Variants in SPANXN3 observed in about 807,000 individuals in gnomAD.
SPANXN3 encodes SPANX family member N3.
SPANXN3 carries 1 observed loss-of-function variant against 1.9 expected under a neutral mutation model. That is an observed-to-expected ratio of 0.54 (90% CI 0.19 to 2.54). The LOEUF is 2.54. SPANXN3 is among the 30% of genes most tolerant of loss of function. The pLI is 0.24. For missense variants in SPANXN3, 113 were observed against 96.2 expected (o/e 1.17, Z -0.73); for synonymous variants, 47 against 40.0 (o/e 1.17, Z -0.66).
At chrX:143,516,715 C>T (rs1929225201) in intron 1 of SPANXN3, 2 of 114,878 alleles carry the variant, frequency 1.7e-5, no homozygotes, top group African/African-American at 6.5e-5. Context: ...AGTCCAGTAC[C>T]AGTGCCTCCA....
rs183417869 is a variant in SPANXN3, at chrX:143,509,950, C to T, written c.79-788G>A. Reference sequence around the variant, plus strand: ...TAATGGGTAAGTTTTCTCTTGCAACCTGGAAAGCAGAAAGCAGCAAGCAGC... The same window carrying T: ...TAATGGGTAAGTTTTCTCTTGCAACTTGGAAAGCAGAAAGCAGCAAGCAGC... On this transcript the variant is annotated intron_variant, in intron 1 of 1. Coordinates refer to ENST00000370503, the MANE Select transcript of SPANXN3 (RefSeq NM_001009609.4). 2.4e-3 allele frequency among the ~76,000 whole-genome samples: 266 copies of T among 111,274 alleles called. 1 individual carries two copies. Among genetic ancestry groups the T allele is most frequent in the African/African-American group, 8.2e-3 (251 of 30,604 alleles).
intron 1 of SPANXN3, among the ~76,000 whole-genome samples, chrX:143,513,144 T>G (rs1215089780): frequency 1.8e-5 from 2 of 111,874 alleles, no homozygotes; most frequent in Non-Finnish European, 3.8e-5. Flanking sequence ...CAGTTCCCAA[T>G]TTTGACTTGC....
intron 1 of SPANXN3, among the ~76,000 whole-genome samples, chrX:143,514,745 C>A (rs1214375927): frequency 8.9e-6 from 1 of 111,759 alleles, no homozygotes; most frequent in Admixed American, 9.5e-5. Context: ...ATTTGTTTCA[C>A]AGTTTAACCA....
At chrX:143,516,637 C>G (rs1158247086) in intron 1 of SPANXN3, 1 of 111,804 alleles carries the variant, frequency 8.9e-6, no homozygotes, top group Non-Finnish European at 1.9e-5. Context: ...CTTTATCTCC[C>G]GAAGGCTAAA....
intron 1 of SPANXN3, among the ~76,000 whole-genome samples, chrX:143,516,427 A>G (rs1929216429): frequency 9.0e-6 from 1 of 111,689 alleles, no homozygotes; most frequent in African/African-American, 3.3e-5. Context: ...CAAGCAGACC[A>G]TCCAGGTTCC....
chrX:143,512,808 A>G (rs1929124217), intron 1 of SPANXN3, among the ~76,000 whole-genome samples: 1 of 111,254 alleles, frequency 9.0e-6, no homozygotes, highest in Admixed American at 9.5e-5. Context: ...GACCTAGGTG[A>G]ACTTTCCCTT....
chrX:143,508,843 C>T lies in SPANXN3; in HGVS notation c.398G>A (p.Gly133Glu), dbSNP rs1197393875. The T allele has an allele frequency of 4.1e-6, 5 of 1,209,543 alleles. No individual in the cohort carries two copies. The Admixed American group carries it at 6.5e-5, about 16-fold the overall frequency. ...QEDEDLGLSE[G>E]SSQDSGED is the part of the protein sequence containing the mutation. ...ATCCTCCCCACTGTCCTGTGAAGAT[C>T]CTTCAGATAAGCCTAGGTCTTCATC... Residue 133 changes from glycine to glutamate, a missense_variant, in exon 2 of 2, where the codon GGA (glycine) becomes GAA (glutamate). Physicochemically the swap from Gly to Glu is moderately conservative, Grantham distance 98. Coordinates refer to ENST00000370503, the MANE Select transcript of SPANXN3 (RefSeq NM_001009609.4).
chrX:143,508,952 T>C lies in SPANXN3; in HGVS notation c.289A>G (p.Asn97Asp). The change falls in exon 2 of 2, where the codon AAT becomes GAT. Residue 97 changes from asparagine to aspartate, a missense_variant. Transcript: ENST00000370503. ...EGVDLSEGSS[N>D]EDEDLGPCEG... ...CATGGGCCTAGGTCTTCATCCTCAT[T>C]TGAAGATCCTTCAGATAAGTCTACG... 1 of 1,211,552 alleles carries C rather than the reference T, an allele frequency of 8.3e-7. No homozygotes were observed. The highest frequency in any genetic ancestry group is 1.1e-6 in the Non-Finnish European group (1 of 895,209).
rs782110097 is a variant in SPANXN3 at position 143,516,710 on chromosome X, A to G, written c.78+604T>C. On this transcript the variant is annotated intron_variant, in intron 1 of 1. Transcript: ENST00000370503. ...ACCATCCTTCTCCTCTGCCAAGTCCAGTACCAGTGCCTCCAGGAAAACAAC... is the reference window on the plus strand; with the variant it reads ...ACCATCCTTCTCCTCTGCCAAGTCCGGTACCAGTGCCTCCAGGAAAACAAC... 869 of 114,727 alleles carry G rather than the reference A, an allele frequency of 7.6e-3. 22 individuals carry two copies. The highest frequency in any genetic ancestry group is 0.027 in the African/African-American group (833 of 30,661). 9.5% of individuals were successfully genotyped at this position (114,727 alleles called of 1,213,427 possible).
At chrX:143,514,390 A>G (rs187468835) in intron 1 of SPANXN3, among the ~76,000 whole-genome samples, 1 of 112,104 alleles carries the variant, frequency 8.9e-6, no homozygotes, top group African/African-American at 3.2e-5. Flanking sequence ...TCCAGCTTTT[A>G]GAAAATTATA....
intron 1 of SPANXN3, among the ~76,000 whole-genome samples, chrX:143,514,344 G>A (rs138020586): frequency 0.031 from 3,516 of 112,375 alleles, 55 homozygotes; most frequent in Non-Finnish European, 0.044. Context: ...ACTTTCATAT[G>A]TGCACAACCA....
intron 1 of SPANXN3, chrX:143,509,594 C>T (rs781822728): frequency 7.8e-6 from 1 of 128,548 alleles, no homozygotes; most frequent in East Asian, 2.4e-4. Flanking sequence ...ATTTTTCCTT[C>T]ATTCCCCTTT....
In SPANXN3 at chrX:143,515,587, C is replaced by T. The variant is rs112435034; in HGVS notation, c.78+1727G>A. ...CTCTTTCTTCTTTTGTCCTCTTTGT[C>T]TGTGGGATACTCTAAGTCCCCACCC... On this transcript the variant is annotated intron_variant, in intron 1 of 1. Coordinates refer to ENST00000370503, the MANE Select transcript of SPANXN3 (RefSeq NM_001009609.4). Among the ~76,000 whole-genome samples the T allele has an allele frequency of 3.4e-3, 382 of 111,195 alleles. 1 individual carries two copies. Among genetic ancestry groups the T allele is most frequent in the Admixed American group, 8.2e-3 (85 of 10,392 alleles).
At chrX:143,515,770 A>G (rs1261074161) in intron 1 of SPANXN3, among the ~76,000 whole-genome samples, 1 of 111,296 alleles carries the variant, frequency 9.0e-6, no homozygotes, top group East Asian at 2.9e-4. Context: ...ACTCGGTCCA[A>G]AATAAGCCTG....
In SPANXN3 at chrX:143,508,900, T is replaced by A. The variant is rs1929022110; in HGVS notation, c.341A>T (p.Asp114Val). Residue 114 changes from aspartate to valine, a missense_variant, in exon 2 of 2, where the codon GAT becomes GTT. Asp to Val is a radical substitution (Grantham distance 152). Transcript: ENST00000370503. ...PCEGPSKEDK[D>V]LDSSEGSSQE... Reference sequence around the variant, plus strand: ...TGAGGATCCTTCAGATGAGTCTAGATCTTTGTCCTCCTTTGAAGGTCCTTC... The same window carrying A: ...TGAGGATCCTTCAGATGAGTCTAGAACTTTGTCCTCCTTTGAAGGTCCTTC... 8.3e-7 allele frequency: 1 copy of A among 1,211,726 alleles called. No homozygotes were observed. Among genetic ancestry groups the A allele is most frequent in the East Asian group, 3.0e-5 (1 of 33,814 alleles).
At chrX:143,512,907 A>G (rs1280104849) in intron 1 of SPANXN3, among the ~76,000 whole-genome samples, 1 of 111,138 alleles carries the variant, frequency 9.0e-6, no homozygotes, top group East Asian at 2.9e-4. Flanking sequence ...TAGGTTTTAA[A>G]CTTCCTCCAT....
At chrX:143,510,020 T>C (rs1323730577) in intron 1 of SPANXN3, 5 of 111,284 alleles carry the variant, frequency 4.5e-5, no homozygotes, top group Non-Finnish European at 9.5e-5. Context: ...GTGGACTGTC[T>C]GTTCCCAGTC....
chrX:143,516,233 CAA>C (rs1383002189), intron 1 of SPANXN3, among the ~76,000 whole-genome samples: 2 of 112,315 alleles, frequency 1.8e-5, no homozygotes, highest in Non-Finnish European at 3.8e-5. Flanking sequence ...AAAGTTAAAA[CAA>C]AGAATTTCTG....
chrX:143,508,835 G>A lies in SPANXN3; in HGVS notation c.406C>T (p.Gln136Ter). ...TGTGACTAATCCTCCCCACTGTCCTGTGAAGATCCTTCAGATAAGCCTAGG... is the reference window on the plus strand; with the variant it reads ...TGTGACTAATCCTCCCCACTGTCCTATGAAGATCCTTCAGATAAGCCTAGG... ...EDLGLSEGSSQDSGED is the reference protein window; with the variant it reads ...EDLGLSEGSS The change falls in exon 2 of 2, where the codon CAG (glutamine) becomes TAG (stop). Residue 136 changes from glutamine (Q) to a stop codon, truncating the protein, a stop_gained. Coordinates refer to ENST00000370503, the MANE Select transcript of SPANXN3 (RefSeq NM_001009609.4). LOFTEE classifies it high-confidence loss of function. 3.3e-6 allele frequency: 4 copies of A among 1,210,547 alleles called. No homozygotes were observed. The highest frequency in any genetic ancestry group is 3.0e-5 in the East Asian group (1 of 33,789).
Sources: gnomAD v4.1 joint callset for allele counts (sites outside exome capture counted in the v4.1 genomes callset) on GRCh38, gnomAD v4.1.1 for gene constraint, MANE v1.5 for transcripts, NCBI Gene and HGNC (gene_info 2026-07-23, HGNC 2026-07-21) for gene names.